ITPRIP: variants seen among roughly 807,000 people sequenced by gnomAD.
The protein encoded by ITPRIP is inositol 1,4,5-trisphosphate receptor interacting protein.
In ITPRIP, 32 loss-of-function variants were observed where a neutral mutation model predicts 35.8. The ratio of observed to expected loss-of-function variants is 0.89; its 90% confidence interval spans 0.68 to 1.20. The LOEUF (loss-of-function observed/expected upper bound fraction) is 1.20, where lower values mean the gene tolerates loss of function less well. Ranked by LOEUF, ITPRIP falls within the 50% of genes most tolerant of loss-of-function variation. The pLI, the probability that ITPRIP is intolerant of heterozygous loss-of-function variation, is 0.00. For synonymous variants in ITPRIP, 358 were observed against 324.0 expected, an observed-to-expected ratio of 1.11 and a Z score of -1.13; for missense variants, 653 against 735.6, an observed-to-expected ratio of 0.89 and a Z score of 1.30.
rs964072519 is a variant in ITPRIP at position 104,333,610 on chromosome 10, C to T, written c.-14+4636G>A. The T allele has an allele frequency of 2.0e-5, 3 of 152,248 alleles. No homozygotes were observed. Among genetic ancestry groups the T allele is most frequent in the South Asian group, 2.1e-4 (1 of 4,826 alleles). The allele number at this position is 152,248 out of a possible 1,614,324, so 9.4% of individuals were successfully genotyped here. ...ACTCCCAAATGACCCCTTTCCTCGC[C>T]CAGAAGAGCTCCTTACCCTTCCTTC... On this transcript the variant is annotated intron_variant, in intron 1 of 1. Transcript: ENST00000337478. This position sits in a 1 kb window ranked among gnomAD's most constrained non-coding sequence, Gnocchi z 4.1.
intron 1 of ITPRIP, among the ~76,000 whole-genome samples, chr10:104,330,448 T>G (rs1254618767): frequency 6.6e-6 from 1 of 152,342 alleles, no homozygotes; most frequent in East Asian, 1.9e-4. Flanking sequence ...CTGGCCTTCA[T>G]GTAACTGCAG....
chr10:104,334,643 C>G (rs1348282183), intron 1 of ITPRIP, among the ~76,000 whole-genome samples: 1 of 152,204 alleles, frequency 6.6e-6, no homozygotes, highest in Non-Finnish European at 1.5e-5. Flanking sequence ...GAGGCACTGG[C>G]CAAGGAGATG....
intron 1 of ITPRIP, among the ~76,000 whole-genome samples, chr10:104,331,429 T>C (rs276212): frequency 1 from 151,703 of 152,348 alleles, 75,530 homozygotes; most frequent in East Asian, 1. Flanking sequence ...GGTTTTGCAC[T>C]AGCGGGCAGG....
At chr10:104,329,884 G>A (rs909785184) in intron 1 of ITPRIP, among the ~76,000 whole-genome samples, 1 of 152,182 alleles carries the variant, frequency 6.6e-6, no homozygotes, top group Non-Finnish European at 1.5e-5. Flanking sequence ...TTTTTGATTT[G>A]TTAAATCGTC....
chr10:104,314,826 A>C lies in ITPRIP; in HGVS notation c.1226T>G (p.Leu409Arg). Residue 409 changes from leucine to arginine, a missense_variant, in exon 2 of 2, where the codon CTG (leucine) becomes CGG (arginine). By Grantham distance (102) the Leu-to-Arg change is moderately radical. Transcript: ENST00000337478. ...GGAGAGCAGGAAGGATGCTATCTGC[A>C]GGCAGCTGAGGTGGCAGGCGCCCTC... ...LPEGACHLSC[L>R]QIASFLLSKQ... The C allele has an allele frequency of 6.2e-7, 1 of 1,613,900 alleles. No homozygotes were observed. The highest frequency in any genetic ancestry group is 8.5e-7 in the Non-Finnish European group (1 of 1,180,026).
Position 104,313,188 on chromosome 10 carries a change from AC to A in ITPRIP, c.*1219del. The A allele has an allele frequency of 2.0e-6, 2 of 985,442 alleles. No homozygotes were observed. 61.0% of individuals were successfully genotyped at this position (985,442 alleles called of 1,614,324 possible). A position where few individuals can be genotyped will look rare whatever the true frequency, so the allele number is the denominator to read the frequency against. ...TTCCATAGTTCTTGCTTCCATGCAC[AC>A]CCTGCCCTAGGATTGGGACCCTGAG... On this transcript the variant is annotated 3_prime_UTR_variant, in exon 2 of 2. Coordinates refer to ENST00000337478, the MANE Select transcript of ITPRIP (RefSeq NM_001272013.2).
Position 104,313,302 on chromosome 10 carries a change from C to T in ITPRIP, c.*1106G>A, listed in dbSNP as rs963114686. 7.9e-5 allele frequency: 78 copies of T among 985,874 alleles called. 1 individual carries two copies. Among genetic ancestry groups the T allele is most frequent in the Non-Finnish European group, 8.8e-5 (73 of 830,318 alleles). The allele number at this position is 985,874 out of a possible 1,614,324, so 61.1% of individuals were successfully genotyped here. On this transcript the variant is annotated 3_prime_UTR_variant, in exon 2 of 2. Transcript: ENST00000337478. Reference sequence around the variant, plus strand: ...GACTGCAAGCCAGACACCACCACCCCGGGTAGCATTTTTGAGCACCTCATC... The same window carrying T: ...GACTGCAAGCCAGACACCACCACCCTGGGTAGCATTTTTGAGCACCTCATC...
In ITPRIP at chr10:104,315,792, TC is replaced by T; in HGVS notation, c.259del (p.Asp87ThrfsTer8). On this transcript the variant is annotated frameshift_variant, in exon 2 of 2. Transcript: ENST00000337478. LOFTEE classifies it high-confidence loss of function. This position sits in a 1 kb window ranked among gnomAD's most constrained non-coding sequence, Gnocchi z 5.7. ...GATCATGCAGAGGGTGCTCCAGAGG[TC>T]CCAGGCCACGCGTGTCTCGTTCTGC... is the stretch of plus-strand genomic sequence containing the variant. ...RQQNETRVAW[D>X]LWSTLCMILF... 1 of 1,613,722 alleles carries T rather than the reference TC, an allele frequency of 6.2e-7. No individual in the cohort carries two copies. The highest frequency in any genetic ancestry group is 1.7e-5 in the Admixed American group (1 of 60,010).
intron 1 of ITPRIP, among the ~76,000 whole-genome samples, chr10:104,335,230 C>T (rs145648249): frequency 5.3e-4 from 81 of 152,256 alleles, no homozygotes; most frequent in African/African-American, 1.8e-3. Context: ...CTCAGCTGTA[C>T]GGTGTGGAAA....
At chr10:104,332,355 T>C (rs2014166003) in intron 1 of ITPRIP, among the ~76,000 whole-genome samples, 1 of 152,144 alleles carries the variant, frequency 6.6e-6, no homozygotes, top group African/African-American at 2.4e-5. Context: ...ATTAGGGCAA[T>C]GACTTTAGCC....
At chr10:104,336,924 T>C (rs2014246225) in intron 1 of ITPRIP, among the ~76,000 whole-genome samples, 1 of 152,220 alleles carries the variant, frequency 6.6e-6, no homozygotes, top group Non-Finnish European at 1.5e-5. Context: ...AATGTAGATT[T>C]ACTGAGCATG....
rs1392695723 is a variant in ITPRIP, at chr10:104,310,974, C to T, written c.*3434G>A. ...CCCGTATGTGTAGTGCAGGGTCACA[C>T]TTGGAATAGCTCAGTACTTGGAAGG... On this transcript the variant is annotated 3_prime_UTR_variant, in exon 2 of 2. Transcript: ENST00000337478. 1 of 152,250 alleles carries T rather than the reference C, an allele frequency of 6.6e-6. No homozygotes were observed. The highest frequency in any genetic ancestry group is 6.5e-5 in the Admixed American group (1 of 15,276). The allele number at this position is 152,250 out of a possible 1,614,324, so 9.4% of individuals were successfully genotyped here.
In ITPRIP at chr10:104,312,873, C is replaced by T. The variant is rs781723849; in HGVS notation, c.*1535G>A. The stretch of plus-strand genomic sequence containing the variant: ...GGCCGGCTTAAACCCTGGAGGAACA[C>T]GGTATATTCTTGACTCCCTGGCCCC... On this transcript the variant is annotated 3_prime_UTR_variant, in exon 2 of 2. Transcript: ENST00000337478. 13 of 985,234 alleles carry T rather than the reference C, an allele frequency of 1.3e-5. No individual in the cohort carries two copies. The African/African-American group carries it at 1.6e-4, about 12-fold the overall frequency. The allele number at this position is 985,234 out of a possible 1,614,324, so 61.0% of individuals were successfully genotyped here. A position where few individuals can be genotyped will look rare whatever the true frequency, so the allele number is the denominator to read the frequency against.
rs746212406 is a variant in ITPRIP at position 104,314,714 on chromosome 10, G to C, written c.1338C>G (p.Ala446=). The C allele has an allele frequency of 1.9e-6, 3 of 1,613,744 alleles. No homozygotes were observed. The highest frequency in any genetic ancestry group is 2.2e-5 in the South Asian group (2 of 91,088). Residue 446 remains alanine (A), a synonymous_variant, in exon 2 of 2, where the codon GCC becomes GCG. Coordinates refer to ENST00000337478, the MANE Select transcript of ITPRIP (RefSeq NM_001272013.2). ...CCAGCTGCCCCGCCTTCCAGTCGGC[G>C]GCCTGCCGGAGGAGTAGGAGGTGCA... is the stretch of plus-strand genomic sequence containing the variant. ...ALLHLLLLRQ[A]ADWKAGQLDA...
intron 1 of ITPRIP, among the ~76,000 whole-genome samples, chr10:104,336,723 G>A (rs1340971313): frequency 2.0e-5 from 3 of 152,104 alleles, no homozygotes; most frequent in Admixed American, 2.0e-4. Context: ...CCTAACTGTT[G>A]ATGGCTACCT....
In ITPRIP at chr10:104,315,617, A is replaced by G; in HGVS notation, c.435T>C (p.Phe145=). The change falls in exon 2 of 2, where the codon TTT becomes TTC. Residue 145 remains phenylalanine, a synonymous_variant. Coordinates refer to ENST00000337478, the MANE Select transcript of ITPRIP (RefSeq NM_001272013.2). The surrounding 1 kb of genome is among the most constrained non-coding windows in gnomAD (Gnocchi z 5.7). ...TGGCCCCCCGGATGCAGCGCTCATA[A>G]AAGTGGCCAAGCGTGGCCTTGTTGG... is the stretch of plus-strand genomic sequence containing the variant. ...TLPNKATLGH[F]YERCIRGATA... 2.5e-6 allele frequency: 4 copies of G among 1,613,068 alleles called. No homozygotes were observed. The highest frequency in any genetic ancestry group is 2.2e-5 in the East Asian group (1 of 44,852).
In ITPRIP at chr10:104,315,952, C is replaced by T. The variant is rs747138653; in HGVS notation, c.100G>A (p.Glu34Lys). 1.2e-5 allele frequency: 20 copies of T among 1,613,934 alleles called. No homozygotes were observed. Among genetic ancestry groups the T allele is most frequent in the South Asian group, 5.5e-5 (5 of 91,080 alleles). ...TGCATCTTGCGGATGATCTCCTCCT[C>T]GTTCTCGGGGACTGTGGCGTTCTCC... is the stretch of plus-strand genomic sequence containing the variant. ...PRENATVPEN[E>K]EEIIRKMQAH... is the part of the protein sequence containing the mutation. Residue 34 changes from glutamate (E) to lysine (K), a missense_variant, in exon 2 of 2, where the codon GAG becomes AAG. Physicochemically the swap from Glu to Lys is moderately conservative, Grantham distance 56. Coordinates refer to ENST00000337478, the MANE Select transcript of ITPRIP (RefSeq NM_001272013.2). The surrounding 1 kb of genome is among the most constrained non-coding windows in gnomAD (Gnocchi z 5.7).
chr10:104,335,960 A>C (rs1306610317), intron 1 of ITPRIP, among the ~76,000 whole-genome samples: 4 of 151,148 alleles, frequency 2.6e-5, no homozygotes, highest in African/African-American at 7.3e-5. Flanking sequence ...GGCGAATGTT[A>C]AGCCCTCAAT....
In ITPRIP at chr10:104,333,882, C is replaced by T. The variant is rs1370974475; in HGVS notation, c.-14+4364G>A. On this transcript the variant is annotated intron_variant, in intron 1 of 1. Transcript: ENST00000337478. This position sits in a 1 kb window ranked among gnomAD's most constrained non-coding sequence, Gnocchi z 4.1. ...GCAGAGAATGCAGACCTCCAACCGA[C>T]CTCTGCTGTCCTGAAGAGCGCACAC... 1 of 152,428 alleles carries T rather than the reference C, an allele frequency of 6.6e-6. No homozygotes were observed. The highest frequency in any genetic ancestry group is 1.5e-5 in the Non-Finnish European group (1 of 68,236). The allele number at this position is 152,428 out of a possible 1,614,324, so 9.4% of individuals were successfully genotyped here. A position where few individuals can be genotyped will look rare whatever the true frequency, so the allele number is the denominator to read the frequency against.
Sources: allele counts gnomAD v4.1 joint callset (sites outside exome capture counted in the v4.1 genomes callset), GRCh38; gene constraint gnomAD v4.1.1; non-coding constraint Gnocchi (gnomAD v3.1); transcripts MANE v1.5; gene names NCBI Gene and HGNC (gene_info 2026-07-23, HGNC 2026-07-21).